The following GTF2E2 variants were observed in gnomAD, a reference collection of about 807,000 sequenced individuals.
The protein encoded by GTF2E2 is transcription initiation factor IIE subunit beta.
A neutral mutation model predicts 40.5 loss-of-function variants in GTF2E2; 21 were observed. That is an observed-to-expected ratio of 0.52 (90% CI 0.37 to 0.75). The LOEUF is 0.75. Ranked by LOEUF, GTF2E2 falls within the 30% of genes least tolerant of loss-of-function variation. The probability of loss-of-function intolerance (pLI) is 0.00; values close to 1 mark genes in which losing one functional copy is unlikely to be tolerated. For missense variants in GTF2E2, 298 were observed against 338.4 expected, an observed-to-expected ratio of 0.88 and a Z score of 0.94; for synonymous variants, 117 against 121.6, an observed-to-expected ratio of 0.96 and a Z score of 0.25.
intron 3 of GTF2E2, among the ~76,000 whole-genome samples, chr8:30,634,732 TATTC>T (rs1299051337): frequency 1.3e-5 from 2 of 152,208 alleles, no homozygotes; most frequent in Non-Finnish European, 2.9e-5. Context: ...TGCCAGCCTG[TATTC>T]ATTAAGAGGT....
rs987070605 is a variant in GTF2E2, at chr8:30,658,030, G to C, written c.-62C>G. On this transcript the variant is annotated 5_prime_UTR_variant, in exon 1 of 8. Transcript: ENST00000355904. ...CGCCCCCTTCCTGCGCCTCCGCCTCGGCCGGCCGCCCACGCCGGCACTGCA... is the reference window on the plus strand; with the variant it reads ...CGCCCCCTTCCTGCGCCTCCGCCTCCGCCGGCCGCCCACGCCGGCACTGCA... 3.2e-5 allele frequency: 5 copies of C among 155,526 alleles called. No individual in the cohort carries two copies. Among genetic ancestry groups the C allele is most frequent in the African/African-American group, 7.2e-5 (3 of 41,472 alleles). The allele number at this position is 155,526 out of a possible 1,614,324, so 9.6% of individuals were successfully genotyped here.
intron 2 of GTF2E2, chr8:30,644,479 AT>A (rs748235072): frequency 6.6e-6 from 1 of 151,950 alleles, no homozygotes; most frequent in East Asian, 1.9e-4. Context: ...TTTCTCTACT[AT>A]TTTTCACTCA....
chr8:30,637,515 TTTTA>T (rs550223231), intron 2 of GTF2E2, among the ~76,000 whole-genome samples: 37 of 13,610 alleles, frequency 2.7e-3, no homozygotes, highest in East Asian at 0.024. Flanking sequence ...TATAATTTTA[TTTTA>T]TTTATTTTAT....
intron 4 of GTF2E2, among the ~76,000 whole-genome samples, chr8:30,613,800 A>C (rs1800815325): frequency 6.6e-6 from 1 of 152,228 alleles, no homozygotes; most frequent in Admixed American, 6.5e-5. Flanking sequence ...TAGTCTTCTT[A>C]GTTTTCACTT....
intron 6 of GTF2E2, among the ~76,000 whole-genome samples, chr8:30,590,547 T>G (rs913390815): frequency 8.5e-5 from 13 of 152,090 alleles, no homozygotes; most frequent in Admixed American, 1.3e-4. Flanking sequence ...ACAAAAACTC[T>G]AACTCCTAGA....
chr8:30,582,821 T>C (rs1285023753), intron 6 of GTF2E2, among the ~76,000 whole-genome samples: 4 of 152,190 alleles, frequency 2.6e-5, no homozygotes, highest in African/African-American at 9.7e-5. Flanking sequence ...TCAGGCAAGG[T>C]GTTATCTCTC....
At chr8:30,647,173 A>C (rs1270625364) in intron 2 of GTF2E2, among the ~76,000 whole-genome samples, 4 of 150,680 alleles carry the variant, frequency 2.7e-5, no homozygotes, top group Non-Finnish European at 5.9e-5. Flanking sequence ...CTGTGGGGAC[A>C]AAAAAAAGCA....
rs1828435346 is a variant in GTF2E2 at position 30,579,050 on chromosome 8, G to A, written c.760-13C>T. The A allele has an allele frequency of 7.3e-7, 1 of 1,371,224 alleles. No individual in the cohort carries two copies. The highest frequency in any genetic ancestry group is 1.0e-6 in the Non-Finnish European group (1 of 958,610). The allele number at this position is 1,371,224 out of a possible 1,614,324, so 84.9% of individuals were successfully genotyped here. The stretch of plus-strand genomic sequence containing the variant: ...TCTGAATAGGGGCCTAAAGGAAAAG[G>A]TAAAAACAATTAGAAACAACAGCTG... On this transcript the variant is annotated splice_polypyrimidine_tract_variant and intron_variant, in intron 7 of 7. Transcript: ENST00000355904.
chr8:30,645,275 T>G, intron 2 of GTF2E2: 2 of 1,507,612 alleles, frequency 1.3e-6, no homozygotes, highest in Non-Finnish European at 1.8e-6. Context: ...TCTACCTTTT[T>G]TATAGATTCA....
At position 30,635,208 on chromosome 8, in the gene GTF2E2, A is replaced by G. The variant is rs898612587; in HGVS notation, c.167-85T>C. On this transcript the variant is annotated intron_variant, in intron 2 of 7. Transcript: ENST00000355904. Reference sequence around the variant, plus strand: ...CTAAAATAATTTTAATGCTGGTAACATATTTCTTGAGTTTTTCATCTAGTA... The same window carrying G: ...CTAAAATAATTTTAATGCTGGTAACGTATTTCTTGAGTTTTTCATCTAGTA... 6.8e-6 allele frequency: 5 copies of G among 736,254 alleles called. No homozygotes were observed. The Admixed American group carries it at 7.5e-5, about 11-fold the overall frequency. 45.6% of individuals were successfully genotyped at this position (736,254 alleles called of 1,614,324 possible).
At chr8:30,640,054 T>C (rs1348940978) in intron 2 of GTF2E2, among the ~76,000 whole-genome samples, 2 of 152,190 alleles carry the variant, frequency 1.3e-5, no homozygotes, top group Admixed American at 1.3e-4. Context: ...CCACCCACAT[T>C]GTTTTAACAC....
chr8:30,639,908 T>C (rs1801754049), intron 2 of GTF2E2, among the ~76,000 whole-genome samples: 1 of 152,014 alleles, frequency 6.6e-6, no homozygotes, highest in South Asian at 2.1e-4. Context: ...GTTAATTATC[T>C]AGAAACCATT....
At chr8:30,653,656 A>C (rs1367403458) in intron 1 of GTF2E2, 54 bp from the exon 2 acceptor site, 1 of 1,263,282 alleles carries the variant, frequency 7.9e-7, no homozygotes, top group Non-Finnish European at 1.1e-6. Flanking sequence ...TCAAACCTGC[A>C]CTCCAAATCC....
chr8:30,651,162 A>G (rs1802263385), intron 2 of GTF2E2, among the ~76,000 whole-genome samples: 1 of 152,216 alleles, frequency 6.6e-6, no homozygotes, highest in African/African-American at 2.4e-5. Context: ...AGGCAAAGGT[A>G]GCTACTTTTA....
chr8:30,610,279 C>CTT (rs1829442611), intron 5 of GTF2E2, among the ~76,000 whole-genome samples: 1 of 151,926 alleles, frequency 6.6e-6, no homozygotes, highest in African/African-American at 2.4e-5. Context: ...AACCACATCT[C>CTT]TACCAAAAAT....
At chr8:30,597,762 A>G (rs1481466315) in intron 6 of GTF2E2, among the ~76,000 whole-genome samples, 2 of 152,230 alleles carry the variant, frequency 1.3e-5, no homozygotes, top group African/African-American at 4.8e-5. Context: ...AGTAGAAGCT[A>G]AAAGTCCCCA....
chr8:30,654,625 G>T (rs1802398270), intron 1 of GTF2E2, among the ~76,000 whole-genome samples: 1 of 152,068 alleles, frequency 6.6e-6, no homozygotes, highest in South Asian at 2.1e-4. Context: ...GGCTGGTCTT[G>T]AACTCCTGGC....
chr8:30,594,685 C>T (rs1828948759), intron 6 of GTF2E2, among the ~76,000 whole-genome samples: 1 of 151,822 alleles, frequency 6.6e-6, no homozygotes, highest in South Asian at 2.1e-4. Context: ...TGAAGAAATC[C>T]TGTCTCTACT....
intron 2 of GTF2E2, among the ~76,000 whole-genome samples, chr8:30,651,132 TG>T (rs1277642250): frequency 2.6e-5 from 4 of 152,142 alleles, no homozygotes; most frequent in Non-Finnish European, 1.5e-5. Context: ...CCGAATGCTT[TG>T]CCCCTAAGAT....
Sources: gnomAD v4.1 joint callset for allele counts (sites outside exome capture counted in the v4.1 genomes callset) on GRCh38, gnomAD v4.1.1 for gene constraint, MANE v1.5 for transcripts, NCBI Gene and HGNC (gene_info 2026-07-23, HGNC 2026-07-21) for gene names.